The following ZBTB2 variants were observed in gnomAD, a reference collection of about 807,000 sequenced individuals.
The protein encoded by ZBTB2 is zinc finger and BTB domain-containing protein 2.
A neutral mutation model predicts 39.5 loss-of-function variants in ZBTB2; 2 were observed. The observed-to-expected ratio is 0.05, with a 90% CI of 0.02 to 0.16. ZBTB2 has a LOEUF of 0.16. Among genes scored for constraint, ZBTB2 ranks in the 10% least tolerant of loss-of-function variants. The probability of loss-of-function intolerance (pLI) is 1.00; values close to 1 mark genes in which losing one functional copy is unlikely to be tolerated. For synonymous variants in ZBTB2, 251 were observed against 256.6 expected (o/e 0.98, Z 0.21); for missense variants, 391 against 653.0 (o/e 0.60, Z 4.37).
intron 2 of ZBTB2, among the ~76,000 whole-genome samples, chr6:151,372,904 C>G (rs866983754): frequency 4.6e-5 from 7 of 152,024 alleles, no homozygotes; most frequent in Middle Eastern, 3.2e-3. Flanking sequence ...CCTGTAATCC[C>G]AGCACTTTGG....
chr6:151,368,074 T>C (rs1228805464), intron 2 of ZBTB2, among the ~76,000 whole-genome samples: 1 of 152,250 alleles, frequency 6.6e-6, no homozygotes, highest in African/African-American at 2.4e-5. Flanking sequence ...TAATTTTCTT[T>C]TATTATACTT....
chr6:151,367,405 G>C (rs1347926130), intron 2 of ZBTB2, among the ~76,000 whole-genome samples: 1 of 152,158 alleles, frequency 6.6e-6, no homozygotes, highest in Non-Finnish European at 1.5e-5. Flanking sequence ...ATAGGCGTGA[G>C]CCACCACGCC....
intron 1 of ZBTB2, among the ~76,000 whole-genome samples, chr6:151,390,654 C>G (rs1779272969): frequency 6.6e-6 from 1 of 151,556 alleles, no homozygotes; most frequent in Non-Finnish European, 1.5e-5. Context: ...CGCCCGCGAG[C>G]GGGAGGCGGA....
chr6:151,390,019 T>C (rs1292968158), intron 1 of ZBTB2, among the ~76,000 whole-genome samples: 2 of 147,322 alleles, frequency 1.4e-5, no homozygotes, highest in Non-Finnish European at 3.0e-5. Flanking sequence ...TGGAGTCCGG[T>C]TGGGGCGTGA....
chr6:151,379,600 T>G (rs185280348), intron 1 of ZBTB2, among the ~76,000 whole-genome samples: 279 of 132,598 alleles, frequency 2.1e-3, no homozygotes, highest in Non-Finnish European at 3.2e-3. Context: ...CATGTTAGCG[T>G]GCACTCTAGC....
intron 1 of ZBTB2, among the ~76,000 whole-genome samples, chr6:151,375,293 G>T (rs527845935): frequency 6.6e-6 from 1 of 152,074 alleles, no homozygotes; most frequent in Admixed American, 6.5e-5. Flanking sequence ...GAAATACATG[G>T]GTGTAAATCT....
At chr6:151,390,188 G>A (rs1779252838) in intron 1 of ZBTB2, among the ~76,000 whole-genome samples, 1 of 152,022 alleles carries the variant, frequency 6.6e-6, no homozygotes, top group South Asian at 2.1e-4. Context: ...CCGGCCTGCA[G>A]CCTCAGCGAG....
intron 1 of ZBTB2, among the ~76,000 whole-genome samples, chr6:151,373,870 A>AAAAAAAAAACAAAAC (rs1778843577): frequency 3.6e-4 from 44 of 123,582 alleles, no homozygotes; most frequent in African/African-American, 1.4e-3. Context: ...AAAAAAAAAA[A>AAAAAAAAAACAAAAC]AAAAAAACCA....
At chr6:151,384,650 A>G (rs1779115412) in intron 1 of ZBTB2, among the ~76,000 whole-genome samples, 1 of 152,172 alleles carries the variant, frequency 6.6e-6, no homozygotes, top group African/African-American at 2.4e-5. Context: ...CAGGGCAAAT[A>G]ATAATTTGGC....
chr6:151,388,727 T>C (rs893284853), intron 1 of ZBTB2, among the ~76,000 whole-genome samples: 1 of 152,218 alleles, frequency 6.6e-6, no homozygotes, highest in Non-Finnish European at 1.5e-5. Context: ...TGGAGGTTAC[T>C]GAAAAGTTGA....
chr6:151,376,366 C>G (rs1242587653), intron 1 of ZBTB2, among the ~76,000 whole-genome samples: 1 of 152,112 alleles, frequency 6.6e-6, no homozygotes, highest in Non-Finnish European at 1.5e-5. Context: ...AAAACTTTTG[C>G]TCTCCGAAAG....
At chr6:151,377,535 A>AT (rs769474299) in intron 1 of ZBTB2, among the ~76,000 whole-genome samples, 11,102 of 103,416 alleles carry the variant, frequency 0.11, 931 homozygotes, top group Middle Eastern at 0.16. Flanking sequence ...TGTCTGGCTA[A>AT]TTTTTTTTTT....
chr6:151,381,620 C>T (rs2114874084), intron 1 of ZBTB2, among the ~76,000 whole-genome samples: 2 of 152,336 alleles, frequency 1.3e-5, no homozygotes, highest in East Asian at 3.8e-4. Context: ...AGTGCCGCTG[C>T]ACCTCTTCCA....
chr6:151,384,240 C>T (rs1337581751), intron 1 of ZBTB2, among the ~76,000 whole-genome samples: 4 of 152,170 alleles, frequency 2.6e-5, no homozygotes, highest in Admixed American at 1.3e-4. Context: ...TGGAGACAGA[C>T]GTCATGTTAA....
intron 1 of ZBTB2, chr6:151,378,202 T>C (rs1027460741): frequency 1.3e-4 from 20 of 152,098 alleles, no homozygotes; most frequent in African/African-American, 4.8e-4. Flanking sequence ...TACCCTAAAA[T>C]AGACAAATGT....
intron 1 of ZBTB2, among the ~76,000 whole-genome samples, chr6:151,390,363 T>TCCCCGA (rs1414414695): frequency 1.4e-5 from 2 of 146,240 alleles, no homozygotes; most frequent in Non-Finnish European, 3.0e-5. Flanking sequence ...CCTGTCCCCG[T>TCCCCGA]CCCCGAGGGG....
At chr6:151,378,527 G>A (rs1778964019) in intron 1 of ZBTB2, among the ~76,000 whole-genome samples, 1 of 152,172 alleles carries the variant, frequency 6.6e-6, no homozygotes, top group Non-Finnish European at 1.5e-5. Flanking sequence ...GGATTACAGA[G>A]AAACATCACT....
chr6:151,385,196 C>T, intron 1 of ZBTB2, among the ~76,000 whole-genome samples: 1 of 152,138 alleles, frequency 6.6e-6, no homozygotes, highest in East Asian at 1.9e-4. Context: ...TGTATGTGTA[C>T]AAAGCTTTTA....
At chr6:151,373,858 A>C (rs1249139400) in intron 1 of ZBTB2, among the ~76,000 whole-genome samples, 2 of 144,460 alleles carry the variant, frequency 1.4e-5, no homozygotes, top group East Asian at 3.9e-4. Context: ...AAAAAAAAAA[A>C]AAAAAAAAAA....
Sources: allele counts gnomAD v4.1 joint callset (sites outside exome capture counted in the v4.1 genomes callset), GRCh38; gene constraint gnomAD v4.1.1; transcripts MANE v1.5; gene names NCBI Gene and HGNC (gene_info 2026-07-23, HGNC 2026-07-21).